The following TMEM138 variants were observed in gnomAD, a reference collection of about 807,000 sequenced individuals.
TMEM138 encodes transmembrane protein 138.
TMEM138 carries 9 observed loss-of-function variants against 18.1 expected under a neutral mutation model. The ratio of observed to expected loss-of-function variants is 0.50; its 90% CI spans 0.30 to 0.87. TMEM138 has a LOEUF of 0.87. TMEM138 is among the 40% of genes least tolerant of loss of function. The pLI is 0.06. For missense variants in TMEM138, 189 were observed against 190.6 expected, an observed-to-expected ratio of 0.99 and a Z score of 0.05; for synonymous variants, 79 against 74.8, an observed-to-expected ratio of 1.06 and a Z score of -0.29.
downstream of TMEM138, among the ~76,000 whole-genome samples, chr11:61,373,930 G>A (rs906325455): frequency 1.5e-4 from 23 of 151,864 alleles, no homozygotes; most frequent in African/African-American, 4.8e-4. Flanking sequence ...TGCAGCCTCC[G>A]CCTCCTGGTT....
At chr11:61,364,906 A>T (rs1243772781) in intron 2 of TMEM138, 1 of 153,974 alleles carries the variant, frequency 6.5e-6, no homozygotes, top group Non-Finnish European at 1.4e-5. Context: ...AAAAAAAAAA[A>T]GCCAGGTGTG....
At chr11:61,375,196 G>C (rs1858419539), downstream of TMEM138, among the ~76,000 whole-genome samples, 1 of 151,988 alleles carries the variant, frequency 6.6e-6, no homozygotes, top group African/African-American at 2.4e-5. Context: ...GTTTTTCAGA[G>C]TCAAGAAAAC....
Position 61,368,784 on chromosome 11 carries a change from C to T in TMEM138, c.*75C>T. ...TGCTGCTTTGCAGGGAGAGTTGGCC[C>T]TATGCATGGGCAAACAGCTGGACTT... is the stretch of plus-strand genomic sequence containing the variant. On this transcript the variant is annotated 3_prime_UTR_variant, in exon 5 of 5. Coordinates refer to ENST00000278826, the MANE Select transcript of TMEM138 (RefSeq NM_016464.5). The T allele has an allele frequency of 3.4e-6, 4 of 1,174,916 alleles. No homozygotes were observed. The highest frequency in any genetic ancestry group is 1.8e-5 in the Admixed American group (1 of 56,490). The allele number at this position is 1,174,916 out of a possible 1,614,324, so 72.8% of individuals were successfully genotyped here.
chr11:61,364,554 A>G (rs761120307), intron 2 of TMEM138, 36 bp downstream of exon 2: 2 of 1,612,438 alleles, frequency 1.2e-6, no homozygotes, highest in South Asian at 2.2e-5. Flanking sequence ...AGCTGAACCC[A>G]CGCAATTCAA....
rs1307851834 is a variant in TMEM138 at position 61,367,903 on chromosome 11, G to A, written c.301-20G>A. ...GCTTCTTGTGGCCATTAACTTTTGT[G>A]TATCTCACATCTCCTTCAGAACTTA... On this transcript the variant is annotated intron_variant, in intron 3 of 4. Transcript: ENST00000278826. 1.3e-6 allele frequency: 2 copies of A among 1,568,828 alleles called. No individual in the cohort carries two copies. The highest frequency in any genetic ancestry group is 2.7e-5 in the African/African-American group (2 of 74,056).
At chr11:61,365,850 C>T (rs1858124237) in intron 2 of TMEM138, 195 bp from the exon 3 acceptor site, 1 of 552,784 alleles carries the variant, frequency 1.8e-6, no homozygotes, top group African/African-American at 2.0e-5. Context: ...CTGATGGGGC[C>T]AGTGGGTAAT....
downstream of TMEM138, among the ~76,000 whole-genome samples, chr11:61,375,711 AC>A (rs1357928583): frequency 6.6e-6 from 1 of 152,208 alleles, no homozygotes; most frequent in Non-Finnish European, 1.5e-5. Context: ...AATTGGAGAA[AC>A]TGGTTATTTT....
At position 61,368,607 on chromosome 11, in the gene TMEM138, G is replaced by A. The variant is rs553815473; in HGVS notation, c.387G>A (p.Leu129=). ...GCTTCCTCCCCACAGCAGCAGTGTT[G>A]TACTGCTACTTCTATAAACGGACAG... ...LFVFQRLAAV[L]YCYFYKRTAV... The change falls in exon 5 of 5, where the codon TTG becomes TTA. Residue 129 remains leucine, a synonymous_variant. Transcript: ENST00000278826. 1,060 of 1,608,440 alleles carry A rather than the reference G, an allele frequency of 6.6e-4. 11 individuals are homozygous for A. The South Asian group carries it at 0.01, about 16-fold the overall frequency.
chr11:61,372,609 C>T (rs756948411), downstream of TMEM138, among the ~76,000 whole-genome samples: 21 of 151,754 alleles, frequency 1.4e-4, no homozygotes, highest in Admixed American at 7.9e-4. Flanking sequence ...GGTGAAACCC[C>T]GTCTGTACTA....
At chr11:61,370,384 CAT>C (rs1364903477), downstream of TMEM138, among the ~76,000 whole-genome samples, 10 of 152,300 alleles carry the variant, frequency 6.6e-5, 1 homozygote, top group African/African-American at 2.2e-4. Context: ...CCTGGTTAAA[CAT>C]TGTGAGAGCA....
rs1181378192 is a variant in TMEM138 at position 61,366,027 on chromosome 11, T to A, written c.129-18T>A. On this transcript the variant is annotated intron_variant, in intron 2 of 4. Transcript: ENST00000278826. ...TCACACAGGCCTTCATTGGTTGTAC[T>A]TTTTTTTATGTCTACAGCATCCAGG... is the stretch of plus-strand genomic sequence containing the variant. 1.9e-6 allele frequency: 3 copies of A among 1,593,426 alleles called. No individual in the cohort carries two copies. The highest frequency in any genetic ancestry group is 2.6e-6 in the Non-Finnish European group (3 of 1,169,664).
chr11:61,364,396 C>G lies in TMEM138; in HGVS notation c.6C>G (p.Leu2=). 1 of 1,614,106 alleles carries G rather than the reference C, an allele frequency of 6.2e-7. No homozygotes were observed. Among genetic ancestry groups the G allele is most frequent in the Non-Finnish European group, 8.5e-7 (1 of 1,179,988 alleles). The change falls in exon 2 of 5, where the codon CTC becomes CTG. Residue 2 remains leucine, a synonymous_variant. Transcript: ENST00000278826. The part of the protein sequence containing the change: M[L]QTSNYSLVLS... ...CCCGAGAAAACAGAAGGAAGATGCT[C>G]CAGACCAGTAACTACAGCCTGGTGC...
At chr11:61,376,436 G>GT (rs1472345019), downstream of TMEM138, among the ~76,000 whole-genome samples, 2 of 152,116 alleles carry the variant, frequency 1.3e-5, no homozygotes. Flanking sequence ...CTTGCCTAAT[G>GT]TTTTTCAATT....
downstream of TMEM138, among the ~76,000 whole-genome samples, chr11:61,376,622 A>C (rs1858439071): frequency 6.6e-6 from 1 of 152,198 alleles, no homozygotes; most frequent in Non-Finnish European, 1.5e-5. Flanking sequence ...CAGAAGAAAA[A>C]TAACAGCAAC....
rs138563409 is a variant in TMEM138, at chr11:61,364,412, A to T, written c.22A>T (p.Ser8Cys). The T allele has an allele frequency of 3.7e-6, 6 of 1,614,052 alleles. No homozygotes were observed. The highest frequency in any genetic ancestry group is 4.2e-6 in the Non-Finnish European group (5 of 1,180,008). MLQTSNY[S>C]LVLSLQFLLL... ...GAAGATGCTCCAGACCAGTAACTAC[A>T]GCCTGGTGCTCTCTCTGCAGTTCCT... Residue 8 changes from serine (S) to cysteine (C), a missense_variant, in exon 2 of 5, where the codon AGC (serine) becomes TGC (cysteine). Physicochemically the swap from Ser to Cys is moderately radical, Grantham distance 112. Transcript: ENST00000278826.
chr11:61,370,852 G>A (rs1461999894), downstream of TMEM138, among the ~76,000 whole-genome samples: 2 of 152,092 alleles, frequency 1.3e-5, no homozygotes, highest in African/African-American at 2.4e-5. Context: ...TCGCTCATGT[G>A]TCAGCTGCAG....
chr11:61,372,069 A>T (rs560031875), downstream of TMEM138, among the ~76,000 whole-genome samples: 3 of 151,768 alleles, frequency 2.0e-5, no homozygotes, highest in Admixed American at 2.0e-4. Context: ...CCAGCTACTC[A>T]GGAGGCTGAG....
At chr11:61,372,818 A>T (rs1858379651), downstream of TMEM138, among the ~76,000 whole-genome samples, 1 of 151,940 alleles carries the variant, frequency 6.6e-6, no homozygotes, top group South Asian at 2.1e-4. Context: ...ATTGTTCAGG[A>T]CAAACCAGCA....
downstream of TMEM138, among the ~76,000 whole-genome samples, chr11:61,374,722 G>A (rs1050703327): frequency 2.0e-5 from 3 of 152,238 alleles, no homozygotes; most frequent in African/African-American, 4.8e-5. Context: ...GGCCAAGGTG[G>A]GCAGATCATG....
Sources: allele counts gnomAD v4.1 joint callset (sites outside exome capture counted in the v4.1 genomes callset), GRCh38; gene constraint gnomAD v4.1.1; transcripts MANE v1.5; gene names NCBI Gene and HGNC (gene_info 2026-07-23, HGNC 2026-07-21).